Variants in SLC18A1 observed in about 807,000 individuals in gnomAD.
The protein encoded by SLC18A1 is chromaffin granule amine transporter.
SLC18A1 carries 69 observed loss-of-function variants against 53.7 expected under a neutral mutation model. That is an observed-to-expected ratio of 1.28 (90% confidence interval 1.06 to 1.57). The LOEUF (loss-of-function observed/expected upper bound fraction) is 1.57, where lower values mean the gene tolerates loss of function less well. Among genes scored for constraint, SLC18A1 ranks in the 40% most tolerant of loss-of-function variants. SLC18A1 has a pLI of 0.00. For missense variants in SLC18A1, 932 were observed against 668.1 expected, an observed-to-expected ratio of 1.40 and a Z score of -4.35; for synonymous variants, 320 against 248.1, an observed-to-expected ratio of 1.29 and a Z score of -2.72.
In SLC18A1 at chr8:20,170,095, G is replaced by C. The variant is rs1054625314; in HGVS notation, c.858+1008C>G. On this transcript the variant is annotated intron_variant, in intron 8 of 15. Coordinates refer to ENST00000276373, the MANE Select transcript of SLC18A1 (RefSeq NM_003053.4). ...GAGGGTATTTGGTGCTCCTTGCCCTGAGGAGTCCTGGATGGGTGGTGGTTA... is the reference window on the plus strand; with the variant it reads ...GAGGGTATTTGGTGCTCCTTGCCCTCAGGAGTCCTGGATGGGTGGTGGTTA... 4.6e-5 allele frequency among the ~76,000 whole-genome samples: 7 copies of C among 152,146 alleles called. 1 individual carries two copies. Among genetic ancestry groups the C allele is most frequent in the Admixed American group, 4.6e-4 (7 of 15,268 alleles).
Position 20,173,043 on chromosome 8 carries a change from C to T in SLC18A1, c.717G>A (p.Gly239=), listed in dbSNP as rs1300436804. The change falls in exon 6 of 16, where the codon GGG becomes GGA. Residue 239 remains glycine, a synonymous_variant. Coordinates refer to ENST00000276373, the MANE Select transcript of SLC18A1 (RefSeq NM_003053.4). The stretch of plus-strand genomic sequence containing the variant: ...CCAGCTGGTGCCACTTACCCAGCAA[C>T]CCCAAGGCCAGGCCCCCCAGAGCAG... ...MGTALGGLAL[G]LLVGAPFGSV... 7 of 1,586,528 alleles carry T rather than the reference C, an allele frequency of 4.4e-6. No individual in the cohort carries two copies. Among genetic ancestry groups the T allele is most frequent in the Non-Finnish European group, 6.0e-6 (7 of 1,166,710 alleles).
intron 15 of SLC18A1, among the ~76,000 whole-genome samples, chr8:20,146,958 G>C (rs2071417402): frequency 6.6e-6 from 1 of 152,144 alleles, no homozygotes; most frequent in Non-Finnish European, 1.5e-5. Flanking sequence ...CTAGTAACTA[G>C]CAAGCTAAGA....
chr8:20,178,129 C>A (rs2072297776), intron 4 of SLC18A1, among the ~76,000 whole-genome samples: 1 of 151,300 alleles, frequency 6.6e-6, no homozygotes, highest in Admixed American at 6.6e-5. Context: ...ATAACACACA[C>A]ACACACACAC....
chr8:20,147,895 T>C, intron 13 of SLC18A1, 112 bp downstream of exon 13: 1 of 1,441,780 alleles, frequency 6.9e-7, no homozygotes, highest in Non-Finnish European at 9.5e-7. Flanking sequence ...GCTGCCCTCC[T>C]GATCCTTCTG....
chr8:20,155,403 C>T (rs2071658015), intron 10 of SLC18A1, among the ~76,000 whole-genome samples: 1 of 152,168 alleles, frequency 6.6e-6, no homozygotes, highest in African/African-American at 2.4e-5. Context: ...AAAAGGCTTT[C>T]TAACAACACC....
rs1271387772 is a variant in SLC18A1, at chr8:20,145,066, G to A, written c.*697C>T. The A allele has an allele frequency of 2.0e-5, 3 of 152,006 alleles. No homozygotes were observed. Among genetic ancestry groups the A allele is most frequent in the African/African-American group, 7.2e-5 (3 of 41,390 alleles). The allele number at this position is 152,006 out of a possible 1,614,324, so 9.4% of individuals were successfully genotyped here. A position where few individuals can be genotyped will look rare whatever the true frequency, so the allele number is the denominator to read the frequency against. On this transcript the variant is annotated 3_prime_UTR_variant, in exon 16 of 16. Transcript: ENST00000276373. Reference sequence around the variant, plus strand: ...TTCAGAAAAGGTAGGAACACACAGGGGAGGTCAGGAGAATGTCAATAACTC... The same window carrying A: ...TTCAGAAAAGGTAGGAACACACAGGAGAGGTCAGGAGAATGTCAATAACTC...
intron 1 of SLC18A1, 103 bp from the exon 2 acceptor site, chr8:20,181,190 T>G: frequency 5.4e-6 from 2 of 372,332 alleles, no homozygotes; most frequent in Non-Finnish European, 4.9e-6. Flanking sequence ...TCAATAACTC[T>G]ACCTGGTTCC....
intron 8 of SLC18A1, among the ~76,000 whole-genome samples, chr8:20,167,733 G>A (rs201363830): frequency 6.6e-6 from 1 of 151,968 alleles, no homozygotes; most frequent in East Asian, 1.9e-4. Context: ...CCATTCTCCT[G>A]CCTCAGCCTC....
At chr8:20,150,846 A>G in intron 10 of SLC18A1, 102 bp from the exon 11 acceptor site, 1 of 1,042,440 alleles carries the variant, frequency 9.6e-7, no homozygotes, top group South Asian at 1.3e-5. Flanking sequence ...ACCTTCCAAG[A>G]TCCCCAAACC....
chr8:20,150,735 A>G lies in SLC18A1; in HGVS notation c.1025T>C (p.Phe342Ser), dbSNP rs1220021949. ...CSPKWQLGLA[F>S]LPASVSYLIG... ...GAGGTAGGACACACTGGCAGGCAAGAAAGCTAGACCTGTGGAAGGACACAG... is the reference window on the plus strand; with the variant it reads ...GAGGTAGGACACACTGGCAGGCAAGGAAGCTAGACCTGTGGAAGGACACAG... The change falls in exon 11 of 16, where the codon TTC becomes TCC. Residue 342 changes from phenylalanine to serine, a missense_variant. Transcript: ENST00000276373. 1.2e-6 allele frequency: 2 copies of G among 1,614,004 alleles called. No homozygotes were observed. The highest frequency in any genetic ancestry group is 1.7e-6 in the Non-Finnish European group (2 of 1,179,960).
At chr8:20,173,885 T>A (rs993167063) in intron 5 of SLC18A1, among the ~76,000 whole-genome samples, 1 of 147,118 alleles carries the variant, frequency 6.8e-6, no homozygotes, top group Non-Finnish European at 1.5e-5. Flanking sequence ...AGAAACTCTG[T>A]AATTCCTTTC....
chr8:20,155,869 T>A (rs2071670169), intron 10 of SLC18A1, among the ~76,000 whole-genome samples: 1 of 152,164 alleles, frequency 6.6e-6, no homozygotes, highest in Admixed American at 6.5e-5. Flanking sequence ...TATACAGCTC[T>A]CAACATGGGC....
At chr8:20,180,639 C>T (rs1358470640) in intron 2 of SLC18A1, among the ~76,000 whole-genome samples, 2 of 152,206 alleles carry the variant, frequency 1.3e-5, no homozygotes, top group Admixed American at 6.5e-5. Flanking sequence ...CTTTGAACCT[C>T]CTGAGTCTTT....
At chr8:20,165,885 G>C (rs1011781711) in intron 8 of SLC18A1, among the ~76,000 whole-genome samples, 2 of 152,112 alleles carry the variant, frequency 1.3e-5, no homozygotes, top group Non-Finnish European at 2.9e-5. Flanking sequence ...TGAACACTAT[G>C]TCCTAATCCT....
In SLC18A1 at chr8:20,150,719, C is replaced by T. The variant is rs762391103; in HGVS notation, c.1041G>A (p.Val347=). The change falls in exon 11 of 16, where the codon GTG becomes GTA. Residue 347 remains valine (V), a synonymous_variant. Transcript: ENST00000276373. ...QLGLAFLPAS[V]SYLIGTNLFG... ...AGAGGTTGGTGCCAATGAGGTAGGA[C>T]ACACTGGCAGGCAAGAAAGCTAGAC... The T allele has an allele frequency of 1.6e-5, 26 of 1,614,034 alleles. No individual in the cohort carries two copies. The highest frequency in any genetic ancestry group is 1.9e-5 in the Non-Finnish European group (23 of 1,180,016).
chr8:20,163,106 G>A (rs746365754), intron 10 of SLC18A1, among the ~76,000 whole-genome samples: 1 of 152,170 alleles, frequency 6.6e-6, no homozygotes, highest in Non-Finnish European at 1.5e-5. Context: ...CAAGCCTCTA[G>A]TGTCTGTTTG....
At chr8:20,149,591 T>TCC (rs1300575714) in intron 12 of SLC18A1, 85 bp downstream of exon 12, 4 of 175,190 alleles carry the variant, frequency 2.3e-5, no homozygotes, top group Non-Finnish European at 3.4e-5. Context: ...TCTCTCTCCC[T>TCC]CTCTCTCTCT....
At chr8:20,148,956 A>T (rs771622274) in intron 12 of SLC18A1, among the ~76,000 whole-genome samples, 1 of 152,114 alleles carries the variant, frequency 6.6e-6, no homozygotes, top group African/African-American at 2.4e-5. Context: ...GCACACGGAG[A>T]TGAAGTAACC....
rs553203057 is a variant in SLC18A1, at chr8:20,172,486, T to C, written c.724+550A>G. On this transcript the variant is annotated intron_variant, in intron 6 of 15. Transcript: ENST00000276373. ...TTGGCATGTAATAAGTGAAAGCATG[T>C]AGCTTGTCAATTAAGTTGTATGAGG... 7.2e-5 allele frequency among the ~76,000 whole-genome samples: 11 copies of C among 152,286 alleles called. No individual in the cohort carries two copies. The South Asian group carries it at 2.3e-3, about 32-fold the overall frequency.
Sources: allele counts gnomAD v4.1 joint callset (sites outside exome capture counted in the v4.1 genomes callset), GRCh38; gene constraint gnomAD v4.1.1; transcripts MANE v1.5; gene names NCBI Gene and HGNC (gene_info 2026-07-23, HGNC 2026-07-21).